The following KLHL4 variants were observed in gnomAD, a reference collection of about 807,000 sequenced individuals.
The protein encoded by KLHL4 is kelch-like protein 4.
In KLHL4, 17 loss-of-function variants were observed where a neutral mutation model predicts 45.8. That is an observed-to-expected ratio of 0.37 (90% CI 0.25 to 0.56). The LOEUF (loss-of-function observed/expected upper bound fraction) is 0.56. Ranked by LOEUF, KLHL4 falls within the 20% of genes least tolerant of loss-of-function variation. The pLI is 0.79. For synonymous variants in KLHL4, 224 were observed against 189.9 expected (o/e 1.18, Z -1.47); for missense variants, 544 against 544.9 (o/e 1.00, Z 0.02).
At position 87,585,471 on chromosome X, in the gene KLHL4, G is replaced by A. The variant is rs190194358; in HGVS notation, c.423-28406G>A. Among the ~76,000 whole-genome samples the A allele has an allele frequency of 3.4e-3, 381 of 111,180 alleles. 2 individuals carry two copies. Among genetic ancestry groups the A allele is most frequent in the African/African-American group, 0.012 (373 of 30,778 alleles). On this transcript the variant is annotated intron_variant, in intron 1 of 10. Transcript: ENST00000373119. ...GAAACAACAAAATGTTAAAGCAGGG[G>A]TAATAGCTAAAACAGATTTTTTTTA...
intron 1 of KLHL4, among the ~76,000 whole-genome samples, chrX:87,571,240 A>G (rs974732965): frequency 2.7e-5 from 3 of 110,920 alleles, no homozygotes; most frequent in African/African-American, 9.8e-5. Flanking sequence ...AACATTGAAT[A>G]TAGTTTCCAT....
Position 87,669,900 on chromosome X carries a change from A to AC in KLHL4, c.*3368dup, listed in dbSNP as rs1342936920. The AC allele has an allele frequency of 1.8e-5, 2 of 113,929 alleles. No individual in the cohort carries two copies. Among genetic ancestry groups the AC allele is most frequent in the African/African-American group, 3.3e-5 (1 of 30,697 alleles). The allele number at this position is 113,929 out of a possible 1,213,427, so 9.4% of individuals were successfully genotyped here. A position where few individuals can be genotyped will look rare whatever the true frequency, so the allele number is the denominator to read the frequency against. On this transcript the variant is annotated 3_prime_UTR_variant, in exon 11 of 11. Coordinates refer to ENST00000373119, the MANE Select transcript of KLHL4 (RefSeq NM_019117.5). ...ATGTTTTTAAAACTTCAAATATCTC[A>AC]CCACAGTGAATTATGGGTAAGGTGA...
chrX:87,613,097 C>G lies in KLHL4; in HGVS notation c.423-780C>G, dbSNP rs183730739. On this transcript the variant is annotated intron_variant, in intron 1 of 10. Coordinates refer to ENST00000373119, the MANE Select transcript of KLHL4 (RefSeq NM_019117.5). The stretch of plus-strand genomic sequence containing the variant: ...GTCTTAAAAGAAACACAGACTGAAT[C>G]GGGAGTGAGGAGATCTAAAACTAAT... Among the ~76,000 whole-genome samples, 572 of 111,434 alleles carry G rather than the reference C, an allele frequency of 5.1e-3. 4 individuals carry two copies. Among genetic ancestry groups the G allele is most frequent in the African/African-American group, 0.018 (545 of 30,692 alleles).
chrX:87,580,548 A>C lies in KLHL4; in HGVS notation c.423-33329A>C, dbSNP rs978709730. 7.2e-5 allele frequency among the ~76,000 whole-genome samples: 8 copies of C among 111,321 alleles called. No individual in the cohort carries two copies. In the East Asian group the frequency reaches 2.3e-3, roughly 31 times the overall value. On this transcript the variant is annotated intron_variant, in intron 1 of 10. Transcript: ENST00000373119. ...AATGATATGCTATACAGATAAGAAC[A>C]ACAAAAAAAATAGGGAGCTATACTT...
At position 87,613,939 on chromosome X, in the gene KLHL4, TA is replaced by T; in HGVS notation, c.488del (p.Asn163ThrfsTer14). On this transcript the variant is annotated frameshift_variant, in exon 2 of 11. Coordinates refer to ENST00000373119, the MANE Select transcript of KLHL4 (RefSeq NM_019117.5). LOFTEE classifies it high-confidence loss of function. Reference protein sequence around the residue: ...ATRSEEQFHVINHAEQTLRKM... With the variant: ...ATRSEEQFHVXNHAEQTLRKM... Reference sequence around the variant, plus strand: ...AGATCTGAAGAGCAGTTCCATGTTATAAACCACGCAGAGCAAACTCTTCGTA... The same window carrying T: ...AGATCTGAAGAGCAGTTCCATGTTATAACCACGCAGAGCAAACTCTTCGTA... 6.6e-6 allele frequency: 8 copies of T among 1,206,614 alleles called. No homozygotes were observed. Among genetic ancestry groups the T allele is most frequent in the Non-Finnish European group, 9.0e-6 (8 of 891,639 alleles).
At chrX:87,654,031 G>A (rs1001007083) in intron 9 of KLHL4, among the ~76,000 whole-genome samples, 1 of 110,961 alleles carries the variant, frequency 9.0e-6, no homozygotes, top group South Asian at 3.8e-4. Flanking sequence ...ATGCATGCTG[G>A]GTGTAATACC....
At position 87,666,996 on chromosome X, in the gene KLHL4, T is replaced by C. The variant is rs1444742169; in HGVS notation, c.*462T>C. On this transcript the variant is annotated 3_prime_UTR_variant, in exon 11 of 11. Coordinates refer to ENST00000373119, the MANE Select transcript of KLHL4 (RefSeq NM_019117.5). ...CTAAAGCTTAGAATAGTGTGATTTT[T>C]AGTAAGCCATTATTCTCCTATTCAA... 1.4e-6 allele frequency: 1 copy of C among 712,621 alleles called. No individual in the cohort carries two copies. The highest frequency in any genetic ancestry group is 2.4e-5 in the African/African-American group (1 of 42,413). The allele number at this position is 712,621 out of a possible 1,213,427, so 58.7% of individuals were successfully genotyped here.
At chrX:87,590,235 ATC>A (rs1416868910) in intron 1 of KLHL4, among the ~76,000 whole-genome samples, 1 of 110,603 alleles carries the variant, frequency 9.0e-6, no homozygotes, top group Non-Finnish European at 1.9e-5. Context: ...GTAGCAAAAT[ATC>A]TCATGTACCC....
intron 9 of KLHL4, among the ~76,000 whole-genome samples, chrX:87,655,061 C>T (rs1430343301): frequency 8.9e-6 from 1 of 111,998 alleles, no homozygotes; most frequent in Non-Finnish European, 1.9e-5. Context: ...CCCTTTGCCA[C>T]ATACATACTT....
chrX:87,662,291 T>TA (rs1462197981), intron 9 of KLHL4, among the ~76,000 whole-genome samples: 1 of 111,503 alleles, frequency 9.0e-6, no homozygotes, highest in South Asian at 3.7e-4. Context: ...ATTAAAAAAT[T>TA]AAAAAATATA....
intron 1 of KLHL4, among the ~76,000 whole-genome samples, chrX:87,534,412 C>A (rs1325750012): frequency 9.0e-6 from 1 of 111,146 alleles, no homozygotes; most frequent in Non-Finnish European, 1.9e-5. Context: ...CCTGACAGCC[C>A]AGTTTATCAG....
intron 1 of KLHL4, among the ~76,000 whole-genome samples, chrX:87,579,079 T>C (rs1165233946): frequency 2.7e-5 from 3 of 111,407 alleles, no homozygotes; most frequent in African/African-American, 9.8e-5. Context: ...GCTGTACTCA[T>C]TATGGCTCTG....
intron 9 of KLHL4, among the ~76,000 whole-genome samples, chrX:87,639,522 A>G (rs1248492628): frequency 1.8e-5 from 2 of 111,798 alleles, no homozygotes; most frequent in African/African-American, 6.5e-5. Flanking sequence ...CTGTCAGACC[A>G]CAGTCTAATA....
chrX:87,617,151 C>T (rs1922583542), intron 3 of KLHL4, among the ~76,000 whole-genome samples: 1 of 110,734 alleles, frequency 9.0e-6, no homozygotes, highest in Non-Finnish European at 1.9e-5. Flanking sequence ...AACGGACTAA[C>T]TCAAATTGCT....
chrX:87,548,020 C>T (rs1344222587), intron 1 of KLHL4, among the ~76,000 whole-genome samples: 1 of 111,230 alleles, frequency 9.0e-6, no homozygotes, highest in Non-Finnish European at 1.9e-5. Flanking sequence ...GGTTACAGAA[C>T]ACCAAGCATA....
intron 1 of KLHL4, among the ~76,000 whole-genome samples, chrX:87,552,516 A>G (rs1268282993): frequency 9.0e-6 from 1 of 111,436 alleles, no homozygotes; most frequent in East Asian, 2.8e-4. Context: ...AACTAAAAGA[A>G]GAACTACAAT....
At chrX:87,662,390 TA>T (rs1250948334) in intron 9 of KLHL4, among the ~76,000 whole-genome samples, 1 of 112,057 alleles carries the variant, frequency 8.9e-6, no homozygotes, top group Admixed American at 9.5e-5. Flanking sequence ...GGTATTTGAA[TA>T]AAAGGTACTT....
Position 87,664,871 on chromosome X carries a change from A to G in KLHL4, c.2033A>G (p.Tyr678Cys), listed in dbSNP as rs754143224. ...GACAAACTCTACGTGGTTGGAGGAT[A>G]TGACGGACATACTTATTTGAACACA... ...LGDKLYVVGG[Y>C]DGHTYLNTVE... Residue 678 changes from tyrosine to cysteine, a missense_variant, in exon 10 of 11, where the codon TAT (tyrosine) becomes TGT (cysteine). By Grantham distance (194) the Tyr-to-Cys change is radical. Coordinates refer to ENST00000373119, the MANE Select transcript of KLHL4 (RefSeq NM_019117.5). 17 of 1,196,536 alleles carry G rather than the reference A, an allele frequency of 1.4e-5. No homozygotes were observed. The highest frequency in any genetic ancestry group is 1.8e-5 in the Non-Finnish European group (16 of 883,375).
intron 9 of KLHL4, among the ~76,000 whole-genome samples, chrX:87,649,675 C>A (rs1923744870): frequency 9.0e-6 from 1 of 111,454 alleles, no homozygotes; most frequent in African/African-American, 3.3e-5. Context: ...GCCTTTGACC[C>A]ATTAGTTTAT....
Sources: allele counts gnomAD v4.1 joint callset (sites outside exome capture counted in the v4.1 genomes callset), GRCh38; gene constraint gnomAD v4.1.1; transcripts MANE v1.5; gene names NCBI Gene and HGNC (gene_info 2026-07-23, HGNC 2026-07-21).